The following LRRC4C variants were observed in gnomAD, a reference collection of about 807,000 sequenced individuals.
LRRC4C encodes the protein leucine rich repeat containing 4C.
LRRC4C carries 5 observed loss-of-function variants against 33.6 expected under a neutral mutation model. The observed-to-expected ratio is 0.15, with a 90% CI of 0.08 to 0.31. The LOEUF (loss-of-function observed/expected upper bound fraction) is 0.31, where lower values mean the gene tolerates loss of function less well. LRRC4C is among the 10% of genes least tolerant of loss of function. The probability of loss-of-function intolerance (pLI) is 1.00; values close to 1 mark genes in which losing one functional copy is unlikely to be tolerated. For missense variants in LRRC4C, 560 were observed against 796.7 expected (o/e 0.70, Z 3.58); for synonymous variants, 329 against 302.0 (o/e 1.09, Z -0.93).
At chr11:40,719,841 G>GA (rs1946919662) in intron 2 of LRRC4C, among the ~76,000 whole-genome samples, 1 of 152,098 alleles carries the variant, frequency 6.6e-6, no homozygotes, top group Non-Finnish European at 1.5e-5. Context: ...ACACATTGAA[G>GA]AAAATCGGAT....
At chr11:41,432,693 A>G (rs561806953) in intron 1 of LRRC4C, among the ~76,000 whole-genome samples, 1 of 152,164 alleles carries the variant, frequency 6.6e-6, no homozygotes, top group South Asian at 2.1e-4. Context: ...GAGTCTCCCT[A>G]TAGGATACTG....
intron 3 of LRRC4C, among the ~76,000 whole-genome samples, chr11:40,645,311 C>T (rs1222620669): frequency 6.6e-6 from 1 of 152,156 alleles, no homozygotes; most frequent in African/African-American, 2.4e-5. Flanking sequence ...CAGACACACA[C>T]AAACATAAAC....
chr11:40,633,391 CTTTCT>C (rs1565581211), intron 3 of LRRC4C, among the ~76,000 whole-genome samples: 6 of 124,532 alleles, frequency 4.8e-5, no homozygotes, highest in African/African-American at 2.0e-4. Flanking sequence ...TTCTTTCTTT[CTTTCT>C]TTTTTTTTTT....
chr11:40,416,683 A>G (rs983716628), intron 3 of LRRC4C, among the ~76,000 whole-genome samples: 2 of 152,212 alleles, frequency 1.3e-5, no homozygotes, highest in African/African-American at 4.8e-5. Context: ...GGTCCTCCCA[A>G]CAATAAGGCA....
chr11:41,436,336 C>G (rs1439321873), intron 1 of LRRC4C, among the ~76,000 whole-genome samples: 1 of 152,036 alleles, frequency 6.6e-6, no homozygotes, highest in Non-Finnish European at 1.5e-5. Flanking sequence ...AAACATACAC[C>G]CTTTAAAAGA....
chr11:40,703,784 A>T (rs1325278611), intron 2 of LRRC4C, among the ~76,000 whole-genome samples: 3 of 152,298 alleles, frequency 2.0e-5, no homozygotes, highest in East Asian at 3.9e-4. Flanking sequence ...GTAGTTGATA[A>T]CAGTTAATAA....
intron 5 of LRRC4C, among the ~76,000 whole-genome samples, chr11:40,205,459 G>A (rs989690366): frequency 6.6e-6 from 1 of 152,036 alleles, no homozygotes; most frequent in African/African-American, 2.4e-5. Flanking sequence ...TTCAATTACG[G>A]GGGTGAGAAG....
At chr11:41,329,150 C>A (rs1210403959) in intron 1 of LRRC4C, among the ~76,000 whole-genome samples, 2 of 152,184 alleles carry the variant, frequency 1.3e-5, no homozygotes, top group Non-Finnish European at 2.9e-5. Context: ...TCATTGGTAA[C>A]TCATGATAGA....
At chr11:41,283,304 C>T (rs1360824245) in intron 1 of LRRC4C, among the ~76,000 whole-genome samples, 1 of 152,068 alleles carries the variant, frequency 6.6e-6, no homozygotes, top group Non-Finnish European at 1.5e-5. Context: ...ATCATAACAT[C>T]ATTTATATTA....
At chr11:40,444,164 T>G (rs1362329843) in intron 3 of LRRC4C, among the ~76,000 whole-genome samples, 1 of 152,056 alleles carries the variant, frequency 6.6e-6, no homozygotes, top group Non-Finnish European at 1.5e-5. Flanking sequence ...CATGAAGAAG[T>G]AGTACTATTA....
intron 1 of LRRC4C, among the ~76,000 whole-genome samples, chr11:40,938,423 G>T (rs568517589): frequency 6.6e-6 from 1 of 152,202 alleles, no homozygotes; most frequent in East Asian, 1.9e-4. Flanking sequence ...TAGAGACATT[G>T]TACAAACAAC....
intron 4 of LRRC4C, among the ~76,000 whole-genome samples, chr11:40,270,115 T>C (rs930069543): frequency 2.0e-5 from 3 of 152,116 alleles, no homozygotes; most frequent in South Asian, 2.1e-4. Flanking sequence ...AAGGGGAGAA[T>C]GTATTCCTTA....
chr11:41,254,884 T>C (rs144425095), intron 1 of LRRC4C, among the ~76,000 whole-genome samples: 3 of 152,154 alleles, frequency 2.0e-5, no homozygotes, highest in African/African-American at 7.2e-5. Context: ...GACTGCCAAA[T>C]AGAATATATC....
intron 3 of LRRC4C, among the ~76,000 whole-genome samples, chr11:40,642,486 C>T (rs1054872359): frequency 6.6e-5 from 10 of 152,102 alleles, no homozygotes; most frequent in African/African-American, 2.4e-4. Context: ...CTACATTAGG[C>T]ACTAGCAGCA....
chr11:40,318,445 AG>A (rs1158872889), intron 4 of LRRC4C, among the ~76,000 whole-genome samples: 2 of 152,156 alleles, frequency 1.3e-5, no homozygotes, highest in Non-Finnish European at 2.9e-5. Flanking sequence ...TTCATTACAG[AG>A]GCAGCATCTA....
At chr11:40,652,265 A>G (rs935049625) in intron 2 of LRRC4C, among the ~76,000 whole-genome samples, 4 of 152,216 alleles carry the variant, frequency 2.6e-5, no homozygotes, top group African/African-American at 4.8e-5. Context: ...TAGGATCTAA[A>G]AACATTTAAT....
intron 3 of LRRC4C, among the ~76,000 whole-genome samples, chr11:40,478,738 C>CA (rs1379026073): frequency 2.0e-5 from 3 of 152,072 alleles, no homozygotes; most frequent in Non-Finnish European, 2.9e-5. Context: ...ACCATTGGGC[C>CA]AAAATAGGCT....
chr11:40,338,977 C>A (rs1465806481), intron 3 of LRRC4C, among the ~76,000 whole-genome samples: 1 of 152,216 alleles, frequency 6.6e-6, no homozygotes, highest in African/African-American at 2.4e-5. Flanking sequence ...TGCGTTCATC[C>A]TTTTCCTGTT....
At chr11:40,300,937 G>A (rs1944744583) in intron 4 of LRRC4C, among the ~76,000 whole-genome samples, 1 of 152,196 alleles carries the variant, frequency 6.6e-6, no homozygotes, top group African/African-American at 2.4e-5. Context: ...GAAGAGCTAG[G>A]ACAGGTGTGA....
Sources: gnomAD v4.1 joint callset for allele counts (sites outside exome capture counted in the v4.1 genomes callset) on GRCh38, gnomAD v4.1.1 for gene constraint, MANE v1.5 for transcripts, NCBI Gene and HGNC (gene_info 2026-07-23, HGNC 2026-07-21) for gene names.